Variants in FBXO11 observed in about 807,000 individuals in gnomAD.
FBXO11 encodes F-box only protein 11.
FBXO11 carries 13 observed loss-of-function variants against 117.0 expected under a neutral mutation model. The observed-to-expected ratio is 0.11, with a 90% confidence interval of 0.07 to 0.18. FBXO11 has a LOEUF of 0.18. Among genes scored for constraint, FBXO11 ranks in the 10% least tolerant of loss-of-function variants. FBXO11 has a pLI of 1.00. For synonymous variants in FBXO11, 490 were observed against 380.5 expected (o/e 1.29, Z -3.35); for missense variants, 767 against 1,164.4 (o/e 0.66, Z 4.97).
Position 47,812,624 on chromosome 2 carries a change from G to C in FBXO11, c.2227+610C>G, listed in dbSNP as rs113544801. ...TCTTGGCATGTTAGAGTAATAACTA[G>C]CTATTCTATGTAAGATATGTACAAA... On this transcript the variant is annotated intron_variant, in intron 18 of 22. Transcript: ENST00000403359. 1.6e-4 allele frequency among the ~76,000 whole-genome samples: 25 copies of C among 152,302 alleles called. 1 individual carries two copies. Among genetic ancestry groups the C allele is most frequent in the African/African-American group, 6.0e-4 (25 of 41,538 alleles).
chr2:47,857,274 G>C (rs1674371603), intron 1 of FBXO11, among the ~76,000 whole-genome samples: 1 of 152,068 alleles, frequency 6.6e-6, no homozygotes. Context: ...CCATTAATGA[G>C]CAAGAAGGTA....
intron 11 of FBXO11, among the ~76,000 whole-genome samples, chr2:47,826,785 A>T (rs972074997): frequency 6.6e-6 from 1 of 151,924 alleles, no homozygotes; most frequent in South Asian, 2.1e-4. Context: ...TATTTTTTTG[A>T]CACAGAGTCT....
intron 1 of FBXO11, among the ~76,000 whole-genome samples, chr2:47,849,094 G>C (rs1422058292): frequency 6.6e-6 from 1 of 152,122 alleles, no homozygotes; most frequent in African/African-American, 2.4e-5. Flanking sequence ...TGGCGTAAAG[G>C]AACCACACTT....
intron 1 of FBXO11, among the ~76,000 whole-genome samples, chr2:47,845,790 T>C (rs913526500): frequency 3.3e-5 from 5 of 152,104 alleles, no homozygotes; most frequent in Admixed American, 3.3e-4. Flanking sequence ...ACTCAATAAA[T>C]ACTGATTCCC....
chr2:47,807,363 G>A lies in FBXO11; in HGVS notation c.*755C>T, dbSNP rs879655202. ...TGTTTTACAGTGCATCCCTTCCTAG[G>A]AAGTCTCATTAAAACACTCACTTTT... is the stretch of plus-strand genomic sequence containing the variant. On this transcript the variant is annotated 3_prime_UTR_variant, in exon 23 of 23. Coordinates refer to ENST00000403359, the MANE Select transcript of FBXO11 (RefSeq NM_001190274.2). 16 of 210,782 alleles carry A rather than the reference G, an allele frequency of 7.6e-5. No homozygotes were observed. Among genetic ancestry groups the A allele is most frequent in the Admixed American group, 2.3e-4 (4 of 17,150 alleles). 13.1% of individuals were successfully genotyped at this position (210,782 alleles called of 1,614,324 possible).
chr2:47,815,649 A>G (rs370025103), intron 16 of FBXO11, among the ~76,000 whole-genome samples: 4 of 152,322 alleles, frequency 2.6e-5, no homozygotes, highest in African/African-American at 9.6e-5. Context: ...CCCCAATTTC[A>G]GAGGACTTTA....
At chr2:47,844,463 T>C (rs1272224409) in intron 1 of FBXO11, among the ~76,000 whole-genome samples, 2 of 152,158 alleles carry the variant, frequency 1.3e-5, no homozygotes, top group African/African-American at 4.8e-5. Flanking sequence ...TGCAATAAAA[T>C]TCAACCCCAG....
intron 1 of FBXO11, among the ~76,000 whole-genome samples, chr2:47,880,978 G>A (rs1157686661): frequency 1.3e-5 from 2 of 152,060 alleles, no homozygotes; most frequent in African/African-American, 2.4e-5. Flanking sequence ...GTTTGGGCCG[G>A]GCATGGTGAC....
At chr2:47,818,236 G>T (rs1671144451) in intron 16 of FBXO11, among the ~76,000 whole-genome samples, 1 of 152,278 alleles carries the variant, frequency 6.6e-6, no homozygotes, top group South Asian at 2.1e-4. Flanking sequence ...AGAGAGATCT[G>T]CTCAACACAG....
At chr2:47,856,278 A>G (rs1674287574) in intron 1 of FBXO11, among the ~76,000 whole-genome samples, 1 of 152,220 alleles carries the variant, frequency 6.6e-6, no homozygotes, top group African/African-American at 2.4e-5. Flanking sequence ...AGAGACTTAT[A>G]AAGTTAATCT....
chr2:47,887,284 T>A (rs1455384242), intron 1 of FBXO11, among the ~76,000 whole-genome samples: 4 of 129,210 alleles, frequency 3.1e-5, no homozygotes, highest in Non-Finnish European at 6.4e-5. Context: ...AAACTCCGTT[T>A]CAAAAAAAAA....
chr2:47,880,095 G>C (rs993833783), intron 1 of FBXO11, among the ~76,000 whole-genome samples: 2 of 151,510 alleles, frequency 1.3e-5, no homozygotes, highest in Non-Finnish European at 2.9e-5. Context: ...TTCCAGGCTC[G>C]AGAGATTCTC....
intron 1 of FBXO11, among the ~76,000 whole-genome samples, chr2:47,886,877 A>T (rs556276170): frequency 1.3e-5 from 2 of 152,218 alleles, no homozygotes; most frequent in African/African-American, 4.8e-5. Context: ...TCTACCAAAA[A>T]AAAAATTAAA....
intron 1 of FBXO11, among the ~76,000 whole-genome samples, chr2:47,858,681 CAAAAAAAAAAAA>C (rs902232765): frequency 1.5e-5 from 1 of 67,500 alleles, no homozygotes; most frequent in East Asian, 4.5e-4. Context: ...GACTCTGCCT[CAAAAAAAAAAAA>C]AAAAAAAGAA....
At chr2:47,881,119 G>A (rs193035538) in intron 1 of FBXO11, among the ~76,000 whole-genome samples, 54 of 152,160 alleles carry the variant, frequency 3.5e-4, no homozygotes, top group Non-Finnish European at 5.7e-4. Context: ...GGGCTTAGTG[G>A]CGGGTGCCTG....
At chr2:47,855,196 A>G (rs1304502464) in intron 1 of FBXO11, among the ~76,000 whole-genome samples, 1 of 150,806 alleles carries the variant, frequency 6.6e-6, no homozygotes, top group Non-Finnish European at 1.5e-5. Flanking sequence ...GACTAGGTAG[A>G]CTCATTTTTT....
chr2:47,889,166 C>T (rs1386725747), intron 1 of FBXO11, among the ~76,000 whole-genome samples: 1 of 152,044 alleles, frequency 6.6e-6, no homozygotes, highest in Admixed American at 6.6e-5. Context: ...GACATAACAC[C>T]AATATGACTG....
chr2:47,833,125 T>C, intron 7 of FBXO11, 55 bp from the exon 8 acceptor site: 2 of 1,182,962 alleles, frequency 1.7e-6, no homozygotes, highest in Non-Finnish European at 2.5e-6. Context: ...AACAGATGGG[T>C]ATCTTTATGG....
At chr2:47,852,906 G>A (rs1673983599) in intron 1 of FBXO11, among the ~76,000 whole-genome samples, 1 of 152,060 alleles carries the variant, frequency 6.6e-6, no homozygotes, top group Admixed American at 6.6e-5. Context: ...AAGCAGCAGA[G>A]GCAGAATTTT....
Sources: allele counts gnomAD v4.1 joint callset (sites outside exome capture counted in the v4.1 genomes callset), GRCh38; gene constraint gnomAD v4.1.1; transcripts MANE v1.5; gene names NCBI Gene and HGNC (gene_info 2026-07-23, HGNC 2026-07-21).